The following ANKRD45 variants were observed in gnomAD, a reference collection of about 807,000 sequenced individuals.
ANKRD45 encodes ankyrin repeat domain-containing protein 45.
ANKRD45 carries 21 observed loss-of-function variants against 28.1 expected under a neutral mutation model. The observed-to-expected ratio is 0.75, with a 90% CI of 0.53 to 1.08. The LOEUF (loss-of-function observed/expected upper bound fraction) is 1.08. Among genes scored for constraint, ANKRD45 ranks in the 50% least tolerant of loss-of-function variants. The probability of loss-of-function intolerance (pLI) is 0.00; values close to 1 mark genes in which losing one functional copy is unlikely to be tolerated. For missense variants in ANKRD45, 261 were observed against 308.7 expected (o/e 0.85, Z 1.16); for synonymous variants, 86 against 103.9 (o/e 0.83, Z 1.05).
At chr1:173,711,009 GA>G in the ANKRD45 span, among the ~76,000 whole-genome samples, 137 of 150,116 alleles carry the variant, frequency 9.1e-4, no homozygotes, top group African/African-American at 3.1e-3. Flanking sequence ...TACTTAAAAA[GA>G]AAAAAAAAGA....
the ANKRD45 span, among the ~76,000 whole-genome samples, chr1:173,693,203 G>A: frequency 6.6e-6 from 1 of 152,102 alleles, no homozygotes; most frequent in African/African-American, 2.4e-5. Flanking sequence ...GGGAGGCTGA[G>A]GCAGGAGAAT....
chr1:173,657,831 A>T (rs1375326222), intron 2 of ANKRD45: 2 of 148,628 alleles, frequency 1.3e-5, no homozygotes, highest in African/African-American at 2.5e-5. Flanking sequence ...TTCTTTGGTT[A>T]CTCAGTTGTT....
chr1:173,658,815 A>G (rs1036196767), intron 2 of ANKRD45: 10 of 279,366 alleles, frequency 3.6e-5, no homozygotes, highest in African/African-American at 2.2e-4. Flanking sequence ...TATTATCCCC[A>G]TTTTGCAGAT....
chr1:173,610,600 G>C (rs1034093430), intron 5 of ANKRD45, among the ~76,000 whole-genome samples: 1 of 152,078 alleles, frequency 6.6e-6, no homozygotes, highest in African/African-American at 2.4e-5. Flanking sequence ...AGGGGGTCGG[G>C]GGAGAGAGGC....
the ANKRD45 span, among the ~76,000 whole-genome samples, chr1:173,693,063 G>A: frequency 1.3e-5 from 2 of 151,880 alleles, no homozygotes; most frequent in Non-Finnish European, 2.9e-5. Context: ...GGGATGGGGG[G>A]CCGGGGGGGT....
chr1:173,667,774 A>G, intron 1 of ANKRD45: 1 of 417,172 alleles, frequency 2.4e-6, no homozygotes, highest in Non-Finnish European at 4.6e-6. Flanking sequence ...AAATGTGCAC[A>G]ATTATCTGAA....
chr1:173,653,095 C>T (rs890712381), intron 2 of ANKRD45, among the ~76,000 whole-genome samples: 1 of 152,088 alleles, frequency 6.6e-6, no homozygotes, highest in Admixed American at 6.5e-5. Flanking sequence ...GTCTCTATCT[C>T]CTTCAGTTCT....
chr1:173,679,819 A>C, the ANKRD45 span, among the ~76,000 whole-genome samples: 1 of 152,252 alleles, frequency 6.6e-6, no homozygotes, highest in Non-Finnish European at 1.5e-5. Context: ...TGATATCCAG[A>C]ACCTACAAAG....
chr1:173,706,248 G>A, the ANKRD45 span, among the ~76,000 whole-genome samples: 1,275 of 146,206 alleles, frequency 8.7e-3, 17 homozygotes, highest in African/African-American at 0.03. Context: ...GTTGCGATGA[G>A]CTGAGATTGT....
At chr1:173,686,991 G>GT in the ANKRD45 span, among the ~76,000 whole-genome samples, 9 of 152,112 alleles carry the variant, frequency 5.9e-5, no homozygotes, top group African/African-American at 2.2e-4. Context: ...AGAAAAACCT[G>GT]TTGTGCTTTT....
intron 2 of ANKRD45, among the ~76,000 whole-genome samples, chr1:173,652,690 A>C (rs910450112): frequency 2.6e-5 from 4 of 151,894 alleles, no homozygotes; most frequent in African/African-American, 9.7e-5. Flanking sequence ...CCTCCTTGTA[A>C]CTCTGGTAGA....
the ANKRD45 span, among the ~76,000 whole-genome samples, chr1:173,677,213 T>C: frequency 1.3e-5 from 2 of 151,908 alleles, no homozygotes; most frequent in African/African-American, 4.8e-5. Flanking sequence ...ACTTTTATTT[T>C]GAGAGAGGAA....
At chr1:173,643,115 G>A (rs1668770354) in intron 3 of ANKRD45, among the ~76,000 whole-genome samples, 2 of 151,126 alleles carry the variant, frequency 1.3e-5, no homozygotes, top group African/African-American at 4.9e-5. Flanking sequence ...GCTTAATTTA[G>A]TGTTTCAATA....
chr1:173,663,091 A>ACCCC (rs1553271100), intron 1 of ANKRD45, among the ~76,000 whole-genome samples: 1 of 146,132 alleles, frequency 6.8e-6, no homozygotes, highest in African/African-American at 2.6e-5. Flanking sequence ...ACACACACAC[A>ACCCC]CCTTCTTTAA....
At chr1:173,680,815 G>C in the ANKRD45 span, among the ~76,000 whole-genome samples, 1 of 151,894 alleles carries the variant, frequency 6.6e-6, no homozygotes, top group East Asian at 1.9e-4. Context: ...CACGTTCTTT[G>C]CAGGGACATG....
intron 3 of ANKRD45, among the ~76,000 whole-genome samples, chr1:173,629,105 G>A (rs12066836): frequency 0.011 from 1,696 of 152,340 alleles, 23 homozygotes; most frequent in African/African-American, 0.039. Context: ...ATGCAGATAC[G>A]GCTAGAGTAA....
At chr1:173,681,834 G>A in the ANKRD45 span, among the ~76,000 whole-genome samples, 16 of 151,820 alleles carry the variant, frequency 1.1e-4, no homozygotes, top group Admixed American at 6.6e-5. Flanking sequence ...GGAGGATCAC[G>A]AGGTCAAGAG....
chr1:173,646,669 G>A (rs1184838491), intron 3 of ANKRD45, among the ~76,000 whole-genome samples, 177 bp downstream of exon 3: 2 of 152,118 alleles, frequency 1.3e-5, no homozygotes, highest in Non-Finnish European at 2.9e-5. Flanking sequence ...TAAATACAAT[G>A]TTTATGGCCA....
Position 173,613,200 on chromosome 1 carries a change from G to A in ANKRD45, c.731-2985C>T, listed in dbSNP as rs1426467757. Among the ~76,000 whole-genome samples the A allele has an allele frequency of 4.0e-5, 6 of 150,214 alleles. No homozygotes were observed. The South Asian group carries it at 8.5e-4, about 21-fold the overall frequency. On this transcript the variant is annotated intron_variant, in intron 5 of 5. Coordinates refer to ENST00000333279, the MANE Select transcript of ANKRD45 (RefSeq NM_198493.3). ...GAGATGCGGGGAGCACCTCTTCCCC[G>A]CCACCCCGTCTGGGATGTGAGGAGC...
Sources: allele counts gnomAD v4.1 joint callset (sites outside exome capture counted in the v4.1 genomes callset), GRCh38; gene constraint gnomAD v4.1.1; transcripts MANE v1.5; gene names NCBI Gene and HGNC (gene_info 2026-07-23, HGNC 2026-07-21).